THADA: variants seen among roughly 807,000 people sequenced by gnomAD.
The protein encoded by THADA is THADA armadillo repeat containing, also known as tRNA (32-2'-O)-methyltransferase regulator THADA.
In THADA, 213 loss-of-function variants were observed where a neutral mutation model predicts 219.8. The ratio of observed to expected loss-of-function variants is 0.97; its 90% confidence interval spans 0.87 to 1.09. The LOEUF is 1.09. THADA is among the 50% of genes least tolerant of loss of function. THADA has a pLI of 0.00. For missense variants in THADA, 2,956 were observed against 2,311.3 expected (o/e 1.28, Z -5.72); for synonymous variants, 1,018 against 828.9 (o/e 1.23, Z -3.92).
chr2:43,575,269 T>G lies in THADA; in HGVS notation c.1038-242A>C, dbSNP rs188892824. 3.0e-3 allele frequency among the ~76,000 whole-genome samples: 453 copies of G among 152,236 alleles called. 4 individuals are homozygous for G. The highest frequency in any genetic ancestry group is 9.6e-3 in the African/African-American group (397 of 41,548). ...TTCAAGATCAGCCTAGGCAATATAG[T>G]GAAACCCCATCTCTATAAAAAATTT... On this transcript the variant is annotated intron_variant, in intron 10 of 37. Coordinates refer to ENST00000405975, the MANE Select transcript of THADA (RefSeq NM_022065.5).
intron 29 of THADA, among the ~76,000 whole-genome samples, chr2:43,366,258 T>C (rs1670141804): frequency 6.6e-6 from 1 of 152,160 alleles, no homozygotes; most frequent in African/African-American, 2.4e-5. Context: ...ACTTAAAAAG[T>C]AAAATACCGA....
intron 34 of THADA, among the ~76,000 whole-genome samples, chr2:43,290,526 C>T (rs1210787087): frequency 1.3e-5 from 2 of 152,164 alleles, no homozygotes; most frequent in Non-Finnish European, 2.9e-5. Flanking sequence ...CTTCTTCAGC[C>T]TCTGAACTCT....
chr2:43,494,055 C>A (rs150788756), intron 25 of THADA, among the ~76,000 whole-genome samples: 11 of 152,336 alleles, frequency 7.2e-5, no homozygotes, highest in South Asian at 6.2e-4. Flanking sequence ...GTTCATCCAG[C>A]CACTTTCAGA....
At position 43,574,551 on chromosome 2, in the gene THADA, T is replaced by C. The variant is rs377667791; in HGVS notation, c.1514A>G (p.His505Arg). ...AGTCTGGGATTTCAAATGACTCTTATGATTTCTAAACATGGTTTCCAAGAG... is the reference window on the plus strand; with the variant it reads ...AGTCTGGGATTTCAAATGACTCTTACGATTTCTAAACATGGTTTCCAAGAG... The part of the protein sequence containing the change: ...SDLLETMFRN[H>R]KSHLKSQTAE... The change falls in exon 11 of 38, where the codon CAT (histidine) becomes CGT (arginine). Residue 505 changes from histidine to arginine, a missense_variant. By Grantham distance (29) the His-to-Arg change is conservative. Transcript: ENST00000405975. 5.6e-6 allele frequency: 9 copies of C among 1,613,904 alleles called. No individual in the cohort carries two copies. Among genetic ancestry groups the C allele is most frequent in the South Asian group, 4.4e-5 (4 of 91,090 alleles).
chr2:43,586,982 T>A lies in THADA; in HGVS notation c.323A>T (p.Asp108Val). The change falls in exon 5 of 38, where the codon GAT (aspartate) becomes GTT (valine). Residue 108 changes from aspartate to valine, a missense_variant. Coordinates refer to ENST00000405975, the MANE Select transcript of THADA (RefSeq NM_022065.5). ...VLASSLNSLP[D>V]FFLPEAMHRF... ...GTGCATAGCCTCAGGTAGAAAAAAA[T>A]CAGGCAGGCTATTTAGTGAGCTAGA... The A allele has an allele frequency of 1.2e-6, 2 of 1,613,256 alleles. No homozygotes were observed. Among genetic ancestry groups the A allele is most frequent in the Non-Finnish European group, 1.7e-6 (2 of 1,179,654 alleles).
At chr2:43,419,664 G>T (rs1019620884) in intron 28 of THADA, among the ~76,000 whole-genome samples, 1 of 152,096 alleles carries the variant, frequency 6.6e-6, no homozygotes, top group African/African-American at 2.4e-5. Flanking sequence ...CAGCATTTGG[G>T]GCTTGGTAAT....
intron 30 of THADA, among the ~76,000 whole-genome samples, chr2:43,333,888 G>T (rs1666081056): frequency 6.6e-6 from 1 of 152,328 alleles, no homozygotes; most frequent in Admixed American, 6.5e-5. Flanking sequence ...AGGAGCTAAA[G>T]GACAGTGGGA....
chr2:43,276,010 T>G (rs2104293417), intron 36 of THADA, among the ~76,000 whole-genome samples: 1 of 152,368 alleles, frequency 6.6e-6, no homozygotes, highest in East Asian at 1.9e-4. Flanking sequence ...GAGATAGCCT[T>G]GAGCATCTCC....
At chr2:43,281,140 T>G (rs941132453) in intron 35 of THADA, among the ~76,000 whole-genome samples, 1 of 152,236 alleles carries the variant, frequency 6.6e-6, no homozygotes, top group Non-Finnish European at 1.5e-5. Context: ...CTACCTCATC[T>G]GTACATGGAG....
intron 20 of THADA, among the ~76,000 whole-genome samples, chr2:43,546,609 C>T (rs1005167686): frequency 6.6e-5 from 10 of 152,088 alleles, no homozygotes; most frequent in Non-Finnish European, 1.3e-4. Flanking sequence ...GAATTGATCC[C>T]TTTACCATTA....
At chr2:43,510,458 T>C (rs1488557439) in intron 22 of THADA, among the ~76,000 whole-genome samples, 1 of 152,134 alleles carries the variant, frequency 6.6e-6, no homozygotes, top group African/African-American at 2.4e-5. Flanking sequence ...TGAGGTTACT[T>C]CCCAAGCACT....
At chr2:43,435,342 C>A (rs537972186) in intron 26 of THADA, among the ~76,000 whole-genome samples, 30 of 152,104 alleles carry the variant, frequency 2.0e-4, no homozygotes, top group Admixed American at 6.5e-4. Flanking sequence ...GCCTGTAATC[C>A]CAGCTACTCA....
intron 31 of THADA, among the ~76,000 whole-genome samples, chr2:43,308,200 A>C (rs1677078245): frequency 6.6e-6 from 1 of 152,102 alleles, no homozygotes; most frequent in African/African-American, 2.4e-5. Flanking sequence ...TTCTTTTTAA[A>C]AGAGAACAGT....
At chr2:43,272,069 G>A (rs997303924) in intron 36 of THADA, among the ~76,000 whole-genome samples, 2 of 152,216 alleles carry the variant, frequency 1.3e-5, no homozygotes, top group Non-Finnish European at 2.9e-5. Flanking sequence ...TGACACTGAA[G>A]CTGAGATTGG....
intron 26 of THADA, among the ~76,000 whole-genome samples, chr2:43,464,533 G>C (rs1684012233): frequency 6.6e-6 from 1 of 152,070 alleles, no homozygotes; most frequent in Non-Finnish European, 1.5e-5. Context: ...AATAAGTTTT[G>C]TTAAATGCCT....
intron 26 of THADA, among the ~76,000 whole-genome samples, chr2:43,446,284 T>C (rs974266204): frequency 6.6e-6 from 1 of 152,248 alleles, no homozygotes; most frequent in African/African-American, 2.4e-5. Flanking sequence ...TATATGTAAG[T>C]GCCTCCTTCC....
At chr2:43,461,702 G>A (rs1016637815) in intron 26 of THADA, among the ~76,000 whole-genome samples, 4 of 152,176 alleles carry the variant, frequency 2.6e-5, no homozygotes, top group Non-Finnish European at 5.9e-5. Flanking sequence ...CTTGTGCATC[G>A]TTTGGAGAGG....
In THADA at chr2:43,234,806, C is replaced by G. The variant is rs368935634; in HGVS notation, c.5297-1924G>C. Among the ~76,000 whole-genome samples, 10 of 151,836 alleles carry G rather than the reference C, an allele frequency of 6.6e-5. No individual in the cohort carries two copies. In the East Asian group the frequency reaches 1.6e-3, roughly 24 times the overall value. On this transcript the variant is annotated intron_variant, in intron 36 of 37. Coordinates refer to ENST00000405975, the MANE Select transcript of THADA (RefSeq NM_022065.5). ...TAGCTGGGACTATAGGCATGTGCCA[C>G]CACACCCAGATAATTTTGTTTTTGC...
Position 43,535,684 on chromosome 2 carries a change from A to G in THADA, c.3264+5475T>C, listed in dbSNP as rs867608173. ...GCGACACAGCGAGACTCAAAAAAAA[A>G]AAAAAAAAAAAAAAAAGAAAAAATC... is the stretch of plus-strand genomic sequence containing the variant. On this transcript the variant is annotated intron_variant, in intron 21 of 37. Transcript: ENST00000405975. Among the ~76,000 whole-genome samples the G allele has an allele frequency of 7.8e-3, 1,181 of 151,128 alleles. 1 individual carries two copies. The highest frequency in any genetic ancestry group is 0.02 in the South Asian group (96 of 4,794).
Sources: gnomAD v4.1 joint callset for allele counts (sites outside exome capture counted in the v4.1 genomes callset) on GRCh38, gnomAD v4.1.1 for gene constraint, MANE v1.5 for transcripts, NCBI Gene and HGNC (gene_info 2026-07-23, HGNC 2026-07-21) for gene names.